Variants in GPHN observed in about 807,000 individuals in gnomAD.
The protein encoded by GPHN is gephyrin.
GPHN carries 17 observed loss-of-function variants against 95.5 expected under a neutral mutation model. The ratio of observed to expected loss-of-function variants is 0.18; its 90% CI spans 0.12 to 0.27. The LOEUF (loss-of-function observed/expected upper bound fraction) is 0.27, where lower values mean the gene tolerates loss of function less well. Among genes scored for constraint, GPHN ranks in the 10% least tolerant of loss-of-function variants. The pLI is 1.00. For synonymous variants in GPHN, 320 were observed against 322.5 expected (o/e 0.99, Z 0.08); for missense variants, 660 against 978.1 (o/e 0.67, Z 4.34).
chr14:67,202,149 T>C, the GPHN span, among the ~76,000 whole-genome samples: 83 of 152,246 alleles, frequency 5.5e-4, no homozygotes, highest in Non-Finnish European at 9.4e-4. Flanking sequence ...TTATTAAAAA[T>C]TAAATTATAG....
chr14:67,426,777 G>T, the GPHN span, among the ~76,000 whole-genome samples: 1 of 152,302 alleles, frequency 6.6e-6, no homozygotes, highest in East Asian at 1.9e-4. Context: ...GTTTCTCCAT[G>T]TTGGGCAGGC....
chr14:66,907,242 A>G (rs1184922906), intron 5 of GPHN, among the ~76,000 whole-genome samples: 1 of 152,206 alleles, frequency 6.6e-6, no homozygotes, highest in African/African-American at 2.4e-5. Context: ...ACTCTTATTC[A>G]ATAATAAAAG....
chr14:67,554,879 C>T, the GPHN span, among the ~76,000 whole-genome samples: 25 of 152,170 alleles, frequency 1.6e-4, no homozygotes, highest in Non-Finnish European at 5.9e-5. Context: ...CCTTGAGTGA[C>T]ATGCCTCTAC....
chr14:67,587,476 T>C, the GPHN span: 562 of 539,370 alleles, frequency 1.0e-3, 2 homozygotes, highest in Middle Eastern at 2.5e-3. Context: ...ATAAGAATAA[T>C]GACTCCAGAT....
At chr14:66,699,358 AAAAT>A (rs1330064202) in intron 2 of GPHN, among the ~76,000 whole-genome samples, 1 of 151,872 alleles carries the variant, frequency 6.6e-6, no homozygotes, top group Non-Finnish European at 1.5e-5. Context: ...AATAATAATT[AAAAT>A]AAATAAATAA....
chr14:67,220,940 G>A, the GPHN span, among the ~76,000 whole-genome samples: 2 of 152,098 alleles, frequency 1.3e-5, no homozygotes, highest in African/African-American at 4.8e-5. Context: ...TATTTTGTAG[G>A]ATAATAGCTA....
At chr14:67,411,938 C>T in the GPHN span, 1 of 1,296,296 alleles carries the variant, frequency 7.7e-7, no homozygotes, top group Non-Finnish European at 1.1e-6. Context: ...CGTTCCGGGG[C>T]GCGCGTCTGG....
chr14:67,577,864 G>A, the GPHN span, among the ~76,000 whole-genome samples: 2 of 152,124 alleles, frequency 1.3e-5, no homozygotes, highest in African/African-American at 4.8e-5. Flanking sequence ...GCCCCTTTTA[G>A]TAAGCAGAGA....
chr14:67,132,911 AGAT>A (rs893629731), intron 17 of GPHN, among the ~76,000 whole-genome samples: 2 of 151,688 alleles, frequency 1.3e-5, no homozygotes, highest in African/African-American at 4.8e-5. Flanking sequence ...TGAATTCAAC[AGAT>A]GATATTAATG....
At chr14:67,310,526 T>C in the GPHN span, among the ~76,000 whole-genome samples, 67 of 152,288 alleles carry the variant, frequency 4.4e-4, no homozygotes, top group African/African-American at 1.4e-3. Context: ...GTTGTTGATT[T>C]GGATGCTAGT....
intron 1 of GPHN, among the ~76,000 whole-genome samples, chr14:66,641,149 A>G (rs769880186): frequency 4.6e-5 from 7 of 152,218 alleles, no homozygotes; most frequent in African/African-American, 7.2e-5. Context: ...GTGGTCCATA[A>G]CGTATGATGG....
chr14:67,330,403 G>T, the GPHN span, among the ~76,000 whole-genome samples: 1 of 150,200 alleles, frequency 6.7e-6, no homozygotes, highest in Non-Finnish European at 1.5e-5. Flanking sequence ...CGTAAGTTTT[G>T]GCATTGTATT....
At chr14:67,361,764 A>G in the GPHN span, among the ~76,000 whole-genome samples, 3 of 152,222 alleles carry the variant, frequency 2.0e-5, no homozygotes, top group East Asian at 5.8e-4. Context: ...GTATTATAGC[A>G]TGTTGTGATA....
Position 67,056,862 on chromosome 14 carries a change from G to T in GPHN, c.1007-1787G>T, listed in dbSNP as rs542189757. Among the ~76,000 whole-genome samples, 7 of 152,276 alleles carry T rather than the reference G, an allele frequency of 4.6e-5. No homozygotes were observed. The East Asian group carries it at 7.8e-4, about 17-fold the overall frequency. On this transcript the variant is annotated intron_variant, in intron 10 of 22. Coordinates refer to ENST00000478722, the MANE Select transcript of GPHN (RefSeq NM_020806.5). ...GGCTGCAGGTCCTGAGCCCTGCCCC[G>T]CAAGGAGGCGGCTGAGGCCCAGCGA...
intron 1 of GPHN, among the ~76,000 whole-genome samples, chr14:66,599,392 A>ATTTCCTTTTTTTTTT (rs1555357374): frequency 3.9e-5 from 3 of 76,520 alleles, no homozygotes; most frequent in African/African-American, 2.2e-4. Flanking sequence ...TTTTTTTTGC[A>ATTTCCTTTTTTTTTT]TTTTTTTTTT....
chr14:66,553,686 C>T (rs1456846518), intron 1 of GPHN, among the ~76,000 whole-genome samples: 1 of 152,106 alleles, frequency 6.6e-6, no homozygotes, highest in Non-Finnish European at 1.5e-5. Flanking sequence ...AAGCAATTCT[C>T]CTGCGTCAGC....
intron 3 of GPHN, among the ~76,000 whole-genome samples, chr14:66,779,897 G>T (rs776384940): frequency 2.7e-4 from 41 of 152,186 alleles, no homozygotes; most frequent in South Asian, 1.5e-3. Context: ...TGAGAAAAGT[G>T]ATTTCAGCAG....
intron 2 of GPHN, among the ~76,000 whole-genome samples, chr14:66,709,113 C>T (rs1298730945): frequency 6.6e-6 from 1 of 152,034 alleles, no homozygotes; most frequent in African/African-American, 2.4e-5. Context: ...AGATAATTTG[C>T]CAATGAGATT....
At chr14:66,580,276 A>G (rs1790204562) in intron 1 of GPHN, among the ~76,000 whole-genome samples, 1 of 151,870 alleles carries the variant, frequency 6.6e-6, no homozygotes, top group Non-Finnish European at 1.5e-5. Context: ...AAAAATCTCA[A>G]TCTAGTGTTA....
Sources: allele counts gnomAD v4.1 joint callset (sites outside exome capture counted in the v4.1 genomes callset), GRCh38; gene constraint gnomAD v4.1.1; transcripts MANE v1.5; gene names NCBI Gene and HGNC (gene_info 2026-07-23, HGNC 2026-07-21).